The following ABCC6 variants were observed in gnomAD, a reference collection of about 807,000 sequenced individuals.
ABCC6 encodes the protein ATP-binding cassette sub-family C member 6.
In ABCC6, 126 loss-of-function variants were observed where a neutral mutation model predicts 169.5. That is an observed-to-expected ratio of 0.74 (90% CI 0.64 to 0.86). The LOEUF (loss-of-function observed/expected upper bound fraction) is 0.86. Among genes scored for constraint, ABCC6 ranks in the 40% least tolerant of loss-of-function variants. The pLI, the probability that ABCC6 is intolerant of heterozygous loss-of-function variation, is 0.00. For missense variants in ABCC6, 1,733 were observed against 1,927.2 expected (o/e 0.90, Z 1.89); for synonymous variants, 752 against 814.7 (o/e 0.92, Z 1.31).
chr16:16,189,886 C>A (rs968948254), intron 12 of ABCC6, among the ~76,000 whole-genome samples: 4 of 152,108 alleles, frequency 2.6e-5, no homozygotes, highest in African/African-American at 9.7e-5. Context: ...ACCTCTGCCA[C>A]CCCCCTGCAT....
intron 1 of ABCC6, among the ~76,000 whole-genome samples, chr16:16,222,521 G>C (rs1296750268): frequency 1.3e-5 from 2 of 151,692 alleles, no homozygotes; most frequent in African/African-American, 2.4e-5. Context: ...GGGATTACAG[G>C]CATAAGCAGC....
In ABCC6 at chr16:16,162,852, T is replaced by C. The variant is rs28702755; in HGVS notation, c.3506+141A>G. 1,266 of 1,119,824 alleles carry C rather than the reference T, an allele frequency of 1.1e-3. 12 individuals carry two copies. In the African/African-American group the frequency reaches 0.015, roughly 14 times the overall value. 69.4% of individuals were successfully genotyped at this position (1,119,824 alleles called of 1,614,324 possible). A position where few individuals can be genotyped will look rare whatever the true frequency, so the allele number is the denominator to read the frequency against. ...TGTTCCATCTGCCCACGGTGAGAAC[T>C]GATAGACTGCCTGTGGGATCTAGCC... On this transcript the variant is annotated intron_variant, in intron 24 of 30. Coordinates refer to ENST00000205557, the MANE Select transcript of ABCC6 (RefSeq NM_001171.6).
In ABCC6 at chr16:16,149,890, A is replaced by C; in HGVS notation, c.*243T>G. ...AGCGGGGCTGAGAGTCGCTGTTGACATTGGCTGCAGGGTGGACAGGGCGAG... is the reference window on the plus strand; with the variant it reads ...AGCGGGGCTGAGAGTCGCTGTTGACCTTGGCTGCAGGGTGGACAGGGCGAG... On this transcript the variant is annotated 3_prime_UTR_variant, in exon 31 of 31. Coordinates refer to ENST00000205557, the MANE Select transcript of ABCC6 (RefSeq NM_001171.6). 6 of 595,766 alleles carry C rather than the reference A, an allele frequency of 1.0e-5. No homozygotes were observed. Among genetic ancestry groups the C allele is most frequent in the East Asian group, 3.0e-5 (1 of 33,594 alleles). 36.9% of individuals were successfully genotyped at this position (595,766 alleles called of 1,614,324 possible).
At chr16:16,171,535 T>C (rs1404750351) in intron 21 of ABCC6, among the ~76,000 whole-genome samples, 1 of 152,128 alleles carries the variant, frequency 6.6e-6, no homozygotes, top group East Asian at 1.9e-4. Flanking sequence ...GCTGGATGGA[T>C]GAGAGGGTAG....
At chr16:16,194,771 A>AT (rs2047979140) in intron 10 of ABCC6, among the ~76,000 whole-genome samples, 1 of 151,558 alleles carries the variant, frequency 6.6e-6, no homozygotes, top group African/African-American at 2.4e-5. Flanking sequence ...GCTCACTGCA[A>AT]CCTCTGCTTC....
chr16:16,217,270 G>A (rs912876495), intron 4 of ABCC6, among the ~76,000 whole-genome samples: 2 of 151,992 alleles, frequency 1.3e-5, no homozygotes, highest in African/African-American at 4.8e-5. Context: ...AACTCCCACT[G>A]TTTTCCCCAC....
In ABCC6 at chr16:16,190,214, C is replaced by G. The variant is rs140045277; in HGVS notation, c.1585G>C (p.Gly529Arg). The change falls in exon 12 of 31, where the codon GGC becomes CGC. Residue 529 changes from glycine to arginine, a missense_variant. Around this residue, in one of 5 missense-constraint regions of ABCC6, gnomAD observed 1,601 missense variants for 1,635.5 expected, o/e 0.98. Transcript: ENST00000205557. ...ACCAGCGACACAGAGAAGAGGAGGC[C>G]GGAGGTCCGCAAGGCGCCCAGCTCC... ...GQELGALRTS[G>R]LLFSVSLVSF... The G allele has an allele frequency of 6.2e-7, 1 of 1,613,874 alleles. No homozygotes were observed. Among genetic ancestry groups the G allele is most frequent in the South Asian group, 1.1e-5 (1 of 91,052 alleles).
intron 10 of ABCC6, among the ~76,000 whole-genome samples, chr16:16,196,226 T>C (rs1173297543): frequency 2.9e-5 from 3 of 105,152 alleles, no homozygotes; most frequent in Admixed American, 2.8e-4. Context: ...AAAAAAAAAA[T>C]CAAAAGGATA....
chr16:16,157,863 A>G (rs939902508), intron 26 of ABCC6, 54 bp from the exon 27 acceptor site: 2 of 1,568,766 alleles, frequency 1.3e-6, no homozygotes, highest in Admixed American at 3.5e-5. Context: ...GACTTCACAC[A>G]AGATGGCCCA....
At chr16:16,155,904 C>CTTTA (rs140644183) in intron 27 of ABCC6, 34,841 of 151,170 alleles carry the variant, frequency 0.23, 4,718 homozygotes, top group South Asian at 0.46. Flanking sequence ...ATGAACAATG[C>CTTTA]TTTATTTATT....
At chr16:16,213,636 C>T (rs1010596692) in intron 5 of ABCC6, among the ~76,000 whole-genome samples, 12 of 145,622 alleles carry the variant, frequency 8.2e-5, no homozygotes, top group African/African-American at 3.1e-4. Context: ...TCTTGGCTCC[C>T]TGCAACCTCC....
intron 17 of ABCC6, chr16:16,181,996 C>T: frequency 3.9e-6 from 1 of 256,348 alleles, no homozygotes. Context: ...TCACAGTTTG[C>T]CAACCCCTGC....
At chr16:16,155,746 A>G (rs1364881363) in intron 27 of ABCC6, 1 of 152,568 alleles carries the variant, frequency 6.6e-6, no homozygotes, top group Non-Finnish European at 1.5e-5. Flanking sequence ...TTATTTGTTT[A>G]ATTAATGATG....
intron 10 of ABCC6, 80 bp downstream of exon 10, chr16:16,197,941 G>A: frequency 1.4e-6 from 2 of 1,458,060 alleles, no homozygotes; most frequent in Middle Eastern, 2.2e-4. Flanking sequence ...GGAGGAGGAA[G>A]GGTGGGAGGG....
chr16:16,162,473 G>T (rs138454246), intron 24 of ABCC6, among the ~76,000 whole-genome samples: 124 of 152,314 alleles, frequency 8.1e-4, no homozygotes, highest in African/African-American at 2.8e-3. Flanking sequence ...TACATAGATT[G>T]CTCAGAACAG....
intron 7 of ABCC6, among the ~76,000 whole-genome samples, chr16:16,205,314 C>T (rs1215361674): frequency 4.6e-5 from 7 of 152,104 alleles, no homozygotes; most frequent in African/African-American, 1.2e-4. Context: ...GACAGCCGCC[C>T]GAGGTCACAC....
chr16:16,191,662 C>T (rs567340737), intron 11 of ABCC6, among the ~76,000 whole-genome samples: 2 of 150,178 alleles, frequency 1.3e-5, no homozygotes, highest in Admixed American at 1.3e-4. Flanking sequence ...CCTTCCCTCC[C>T]TCCCCCCTTT....
At chr16:16,222,495 G>A (rs901317388) in intron 1 of ABCC6, among the ~76,000 whole-genome samples, 137 of 151,926 alleles carry the variant, frequency 9.0e-4, no homozygotes, top group African/African-American at 3.0e-3. Flanking sequence ...CTCCCACCTC[G>A]GCCTCCCAGA....
At chr16:16,170,919 CAAA>C (rs1220574453) in intron 21 of ABCC6, among the ~76,000 whole-genome samples, 2 of 22,308 alleles carry the variant, frequency 9.0e-5, no homozygotes, top group Admixed American at 6.6e-4. Flanking sequence ...AACTCTGTCT[CAAA>C]AAAAAAAAAA....
Sources: allele counts gnomAD v4.1 joint callset (sites outside exome capture counted in the v4.1 genomes callset), GRCh38; gene constraint gnomAD v4.1.1; regional missense constraint gnomAD v4.1.1; transcripts MANE v1.5; gene names NCBI Gene and HGNC (gene_info 2026-07-23, HGNC 2026-07-21).